AUTS2: variants seen among roughly 807,000 people sequenced by gnomAD.
AUTS2 encodes autism susceptibility gene 2 protein.
In AUTS2, 17 loss-of-function variants were observed where a neutral mutation model predicts 112.4. The ratio of observed to expected loss-of-function variants is 0.15; its 90% CI spans 0.10 to 0.23. AUTS2 has a LOEUF of 0.23. AUTS2 is among the 10% of genes least tolerant of loss of function. The pLI is 1.00. For synonymous variants in AUTS2, 751 were observed against 702.7 expected, an observed-to-expected ratio of 1.07 and a Z score of -1.09; for missense variants, 1,510 against 1,701.6, an observed-to-expected ratio of 0.89 and a Z score of 1.98.
chr7:70,307,405 C>T (rs768893859), intron 4 of AUTS2, among the ~76,000 whole-genome samples: 3 of 152,170 alleles, frequency 2.0e-5, no homozygotes, highest in Non-Finnish European at 1.5e-5. Context: ...AAACCTGACC[C>T]TTTGTTATAA....
chr7:70,368,724 G>T (rs1468748295), intron 4 of AUTS2, among the ~76,000 whole-genome samples: 2 of 152,088 alleles, frequency 1.3e-5, no homozygotes, highest in African/African-American at 2.4e-5. Context: ...CCTGGAATTG[G>T]GGAAGCACAG....
At chr7:70,593,701 T>C (rs1049942735) in intron 5 of AUTS2, among the ~76,000 whole-genome samples, 1 of 152,204 alleles carries the variant, frequency 6.6e-6, no homozygotes, top group African/African-American at 2.4e-5. Context: ...CCCACAACAA[T>C]CAGGAAAGCG....
Position 70,786,222 on chromosome 7 carries a change from G to A in AUTS2, c.2308+184G>A, listed in dbSNP as rs542666637. ...GAAGTGTGCAGAGCCACCACTGTGA[G>A]GGCAGCCCCCTGTGGCTATCCAGTT... On this transcript the variant is annotated intron_variant, in intron 17 of 18. Transcript: ENST00000342771. Among the ~76,000 whole-genome samples the A allele has an allele frequency of 7.2e-5, 11 of 152,296 alleles. No homozygotes were observed. In the East Asian group the frequency reaches 1.7e-3, roughly 24 times the overall value.
At position 69,719,783 on chromosome 7, in the gene AUTS2, A is replaced by T. The variant is rs75374749; in HGVS notation, c.309+119821A>T. ...TTTCCCTCTTGTGTTGGTTCATTGG[A>T]TGTAAGGCATCATCATGACTGCTGT... On this transcript the variant is annotated intron_variant, in intron 1 of 18. Coordinates refer to ENST00000342771, the MANE Select transcript of AUTS2 (RefSeq NM_015570.4). Among the ~76,000 whole-genome samples the T allele has an allele frequency of 4.2e-3, 645 of 152,206 alleles. 6 individuals are homozygous for T. Among genetic ancestry groups the T allele is most frequent in the African/African-American group, 0.015 (613 of 41,526 alleles).
At chr7:69,976,443 G>C (rs1387075578) in intron 2 of AUTS2, among the ~76,000 whole-genome samples, 1 of 152,178 alleles carries the variant, frequency 6.6e-6, no homozygotes, top group Non-Finnish European at 1.5e-5. Context: ...ATTGTGAATA[G>C]TGATGCTATA....
chr7:70,274,719 G>A (rs145174368), intron 4 of AUTS2, among the ~76,000 whole-genome samples: 27 of 152,212 alleles, frequency 1.8e-4, no homozygotes, highest in African/African-American at 6.0e-4. Context: ...TGGTAGAGAC[G>A]GAAAGGATCT....
intron 1 of AUTS2, among the ~76,000 whole-genome samples, chr7:69,766,531 T>A (rs1788429877): frequency 6.6e-6 from 1 of 152,200 alleles, no homozygotes; most frequent in African/African-American, 2.4e-5. Flanking sequence ...CGTACTGTTT[T>A]CCATAAGCAG....
At chr7:70,565,857 G>A (rs1563045165) in intron 5 of AUTS2, among the ~76,000 whole-genome samples, 6 of 152,140 alleles carry the variant, frequency 3.9e-5, no homozygotes. Flanking sequence ...ACCCTTTGTT[G>A]TAACTATTAG....
chr7:69,658,970 T>TG (rs1389083952), intron 1 of AUTS2, among the ~76,000 whole-genome samples: 2 of 152,236 alleles, frequency 1.3e-5, no homozygotes, highest in Non-Finnish European at 2.9e-5. Context: ...TTAAGGAATA[T>TG]GCTTCAAGGA....
At chr7:70,698,501 G>C in intron 5 of AUTS2, 68 bp from the exon 6 acceptor site, 1 of 1,300,178 alleles carries the variant, frequency 7.7e-7, no homozygotes, top group Non-Finnish European at 1.1e-6. Flanking sequence ...TAAAATAATG[G>C]GAATGTTGAT....
At chr7:70,604,388 C>T (rs890662507) in intron 5 of AUTS2, among the ~76,000 whole-genome samples, 3 of 152,214 alleles carry the variant, frequency 2.0e-5, no homozygotes, top group African/African-American at 7.2e-5. Context: ...TGCTCTTTTA[C>T]TTGCTGTGAT....
intron 1 of AUTS2, among the ~76,000 whole-genome samples, chr7:69,663,570 T>A (rs1026790699): frequency 1.3e-5 from 2 of 152,196 alleles, no homozygotes; most frequent in African/African-American, 4.8e-5. Flanking sequence ...TGAGATGAAG[T>A]CCCAACACTT....
chr7:70,266,543 AAATT>A (rs982431150), intron 4 of AUTS2, among the ~76,000 whole-genome samples: 3 of 152,344 alleles, frequency 2.0e-5, no homozygotes, highest in African/African-American at 7.2e-5. Flanking sequence ...ACATTTAAAA[AAATT>A]AATCCAGTGG....
intron 4 of AUTS2, among the ~76,000 whole-genome samples, chr7:70,347,131 C>T (rs1018343491): frequency 2.0e-5 from 3 of 152,200 alleles, no homozygotes; most frequent in African/African-American, 7.2e-5. Context: ...TACACTGTCT[C>T]TTCTTCCTGG....
chr7:69,737,352 A>G (rs1413424469), intron 1 of AUTS2, among the ~76,000 whole-genome samples: 2 of 152,316 alleles, frequency 1.3e-5, no homozygotes, highest in East Asian at 1.9e-4. Context: ...ATTCTTTACA[A>G]TTATCCTAAT....
At chr7:70,256,822 T>G (rs907239546) in intron 4 of AUTS2, among the ~76,000 whole-genome samples, 3 of 152,222 alleles carry the variant, frequency 2.0e-5, no homozygotes, top group Admixed American at 6.5e-5. Context: ...TGGACAGAGA[T>G]AGAAAGTACT....
intron 4 of AUTS2, among the ~76,000 whole-genome samples, chr7:70,267,538 A>C (rs893016712): frequency 2.0e-5 from 3 of 152,102 alleles, no homozygotes; most frequent in Non-Finnish European, 4.4e-5. Flanking sequence ...TTTTCCTTTG[A>C]GCTGGGCTGA....
At chr7:70,092,869 C>T (rs896629335) in intron 2 of AUTS2, among the ~76,000 whole-genome samples, 7 of 152,048 alleles carry the variant, frequency 4.6e-5, no homozygotes, top group African/African-American at 1.7e-4. Flanking sequence ...CTCTCCATGT[C>T]GGCAGAGCTG....
intron 5 of AUTS2, among the ~76,000 whole-genome samples, chr7:70,621,438 C>T (rs1034726948): frequency 6.6e-6 from 1 of 152,198 alleles, no homozygotes; most frequent in Non-Finnish European, 1.5e-5. Flanking sequence ...GAGTACTAAG[C>T]CCAGTTCTTT....
Sources: gnomAD v4.1 joint callset for allele counts (sites outside exome capture counted in the v4.1 genomes callset) on GRCh38, gnomAD v4.1.1 for gene constraint, MANE v1.5 for transcripts, NCBI Gene and HGNC (gene_info 2026-07-23, HGNC 2026-07-21) for gene names.